The following ZNF257 variants were observed in gnomAD, a reference collection of about 807,000 sequenced individuals.
The protein encoded by ZNF257 is zinc finger protein 257.
In ZNF257, 12 loss-of-function variants were observed where a neutral mutation model predicts 11.9. That is an observed-to-expected ratio of 1.01 (90% CI 0.65 to 1.63). The LOEUF (loss-of-function observed/expected upper bound fraction) is 1.63, where lower values mean the gene tolerates loss of function less well. Ranked by LOEUF, ZNF257 falls within the 40% of genes most tolerant of loss-of-function variation. The pLI is 0.00. For synonymous variants in ZNF257, 183 were observed against 222.7 expected, an observed-to-expected ratio of 0.82 and a Z score of 1.59; for missense variants, 580 against 665.5, an observed-to-expected ratio of 0.87 and a Z score of 1.41.
In ZNF257 at chr19:22,073,492, C is replaced by T; in HGVS notation, c.154C>T (p.Leu52=). 6.2e-7 allele frequency: 1 copy of T among 1,611,538 alleles called. No individual in the cohort carries two copies. ...FLGIAVSKPD[L]ITCLEQGKEP... ...AGGTATTGCTGTCTCTAAGCCAGAC[C>T]TGATCACCTGTCTGGAGCAAGGAAA... The change falls in exon 3 of 4, where the codon CTG becomes TTG. Residue 52 remains leucine, a synonymous_variant. Coordinates refer to ENST00000594947, the MANE Select transcript of ZNF257 (RefSeq NM_033468.4).
intron 1 of ZNF257, among the ~76,000 whole-genome samples, chr19:22,058,222 A>G (rs926195270): frequency 6.6e-6 from 1 of 152,170 alleles, no homozygotes; most frequent in African/African-American, 2.4e-5. Flanking sequence ...GAATTTTATT[A>G]ATCACAACTA....
chr19:22,088,272 A>ATT lies in ZNF257; in HGVS notation c.523_524insTT (p.Cys175PhefsTer15), dbSNP rs1431277471. 5.0e-6 allele frequency: 8 copies of ATT among 1,613,542 alleles called. No individual in the cohort carries two copies. The African/African-American group carries it at 9.3e-5, about 19-fold the overall frequency. The stretch of plus-strand genomic sequence containing the variant: ...GACATACTGAAAAGAAAACTTGCAA[A>ATT]TGTAAAGAATGTGGCAAATCATTTT... On this transcript the variant is annotated frameshift_variant, in exon 4 of 4. Transcript: ENST00000594947. LOFTEE classifies it low-confidence loss of function (END_TRUNC).
At chr19:22,077,009 T>A (rs1199601049) in intron 3 of ZNF257, among the ~76,000 whole-genome samples, 1 of 152,106 alleles carries the variant, frequency 6.6e-6, no homozygotes, top group Non-Finnish European at 1.5e-5. Flanking sequence ...ATCTTTAATC[T>A]GTTTAAGTGT....
At chr19:22,081,194 T>C (rs12609368) in intron 3 of ZNF257, among the ~76,000 whole-genome samples, 34,689 of 151,836 alleles carry the variant, frequency 0.23, 4,698 homozygotes, top group South Asian at 0.44. Context: ...GATATCTATA[T>C]GTATACATAT....
intron 1 of ZNF257, among the ~76,000 whole-genome samples, chr19:22,056,290 C>T (rs947258761): frequency 4.0e-5 from 6 of 151,838 alleles, no homozygotes; most frequent in Admixed American, 1.3e-4. Flanking sequence ...CGTGAAAGCC[C>T]GCCACTATGC....
Position 22,088,433 on chromosome 19 carries a change from C to A in ZNF257, c.683C>A (p.Pro228His). ...AAGATGACTCATACTGGAGAGAAAC[C>A]CTACAAATGTGAAGAGTGTGGAAAA... ...RHKMTHTGEK[P>H]YKCEECGKAF... Residue 228 changes from proline (P) to histidine (H), a missense_variant, in exon 4 of 4, where the codon CCC becomes CAC. By Grantham distance (77) the Pro-to-His change is moderately conservative. Coordinates refer to ENST00000594947, the MANE Select transcript of ZNF257 (RefSeq NM_033468.4). 1.2e-6 allele frequency: 2 copies of A among 1,613,596 alleles called. No homozygotes were observed. The highest frequency in any genetic ancestry group is 1.7e-6 in the Non-Finnish European group (2 of 1,179,816).
At chr19:22,066,724 T>G (rs1432969593) in intron 1 of ZNF257, among the ~76,000 whole-genome samples, 1 of 152,208 alleles carries the variant, frequency 6.6e-6, no homozygotes. Flanking sequence ...ATTTTGGCAT[T>G]GAATATAACC....
intron 3 of ZNF257, among the ~76,000 whole-genome samples, chr19:22,087,286 TAGTCTAAAACCAGTTGTC>T (rs1421650021): frequency 1.3e-5 from 2 of 152,052 alleles, no homozygotes; most frequent in Admixed American, 6.6e-5. Context: ...TATCCCGGCA[TAGTCTAAAACCAGTTGTC>T]ATGGCTAGAC....
At chr19:22,054,435 T>A (rs1168138143) in intron 1 of ZNF257, among the ~76,000 whole-genome samples, 1 of 152,194 alleles carries the variant, frequency 6.6e-6, no homozygotes, top group Non-Finnish European at 1.5e-5. Flanking sequence ...CCCTTCATCA[T>A]TTCTTCAGCC....
chr19:22,059,251 C>A (rs2021727472), intron 1 of ZNF257, among the ~76,000 whole-genome samples: 1 of 152,086 alleles, frequency 6.6e-6, no homozygotes, highest in Non-Finnish European at 1.5e-5. Context: ...CACTGAGATA[C>A]TAAACTTTGC....
Position 22,088,349 on chromosome 19 carries a change from C to G in ZNF257, c.599C>G (p.Ser200Cys), listed in dbSNP as rs760874941. 3 of 1,613,632 alleles carry G rather than the reference C, an allele frequency of 1.9e-6. No homozygotes were observed. The highest frequency in any genetic ancestry group is 1.7e-4 in the Middle Eastern group (1 of 6,058). Reference protein sequence around the residue: ...RHKRIHIRENSHKCEECGKAF... With the variant: ...RHKRIHIRENCHKCEECGKAF... ...AAGAGAATTCATATTAGAGAGAATT[C>G]CCACAAATGTGAAGAATGTGGCAAA... Residue 200 changes from serine to cysteine, a missense_variant, in exon 4 of 4, where the codon TCC (serine) becomes TGC (cysteine). Coordinates refer to ENST00000594947, the MANE Select transcript of ZNF257 (RefSeq NM_033468.4).
intron 1 of ZNF257, among the ~76,000 whole-genome samples, chr19:22,068,550 G>C (rs532351277): frequency 1.3e-5 from 2 of 152,212 alleles, no homozygotes; most frequent in South Asian, 4.1e-4. Context: ...TGTCAACATA[G>C]ACATCTTAAA....
chr19:22,059,451 C>A (rs2021733057), intron 1 of ZNF257, among the ~76,000 whole-genome samples: 1 of 151,878 alleles, frequency 6.6e-6, no homozygotes, highest in South Asian at 2.1e-4. Context: ...ACCACACCAG[C>A]TAATTTTTGT....
At chr19:22,054,421 C>T (rs1436429465) in intron 1 of ZNF257, among the ~76,000 whole-genome samples, 2 of 152,080 alleles carry the variant, frequency 1.3e-5, no homozygotes, top group African/African-American at 4.8e-5. Flanking sequence ...TTTTACCCTC[C>T]TCCCCCTTCA....
At chr19:22,064,177 C>G (rs2021881234) in intron 1 of ZNF257, 1 of 152,090 alleles carries the variant, frequency 6.6e-6, no homozygotes, top group African/African-American at 2.4e-5. Flanking sequence ...AAGAACACGT[C>G]CAGAAAACCT....
chr19:22,091,404 G>C lies in ZNF257; in HGVS notation c.*1962G>C, dbSNP rs922402029. On this transcript the variant is annotated 3_prime_UTR_variant, in exon 4 of 4. Transcript: ENST00000594947. ...GTACCCAGGAGGCAGAGGTTGCAGT[G>C]AGCCAAGATCACGACATTGCACTCC... 1.4e-5 allele frequency: 2 copies of C among 141,470 alleles called. No homozygotes were observed. The highest frequency in any genetic ancestry group is 5.3e-5 in the African/African-American group (2 of 37,794). The allele number at this position is 141,470 out of a possible 1,614,324, so 8.8% of individuals were successfully genotyped here.
chr19:22,065,747 G>A (rs541054446), intron 1 of ZNF257: 39 of 152,224 alleles, frequency 2.6e-4, no homozygotes, highest in African/African-American at 6.7e-4. Context: ...TCCAAAAACC[G>A]TAATAGCTCT....
At chr19:22,063,814 A>C (rs751332326) in intron 1 of ZNF257, among the ~76,000 whole-genome samples, 20 of 152,210 alleles carry the variant, frequency 1.3e-4, no homozygotes, top group Admixed American at 1.3e-4. Context: ...CATGGTGATT[A>C]GAATAATGTA....
At chr19:22,078,493 T>C (rs1201463160) in intron 3 of ZNF257, among the ~76,000 whole-genome samples, 1 of 152,080 alleles carries the variant, frequency 6.6e-6, no homozygotes, top group East Asian at 1.9e-4. Context: ...TCATGTGATT[T>C]GCAAATATTT....
Sources: allele counts gnomAD v4.1 joint callset (sites outside exome capture counted in the v4.1 genomes callset), GRCh38; gene constraint gnomAD v4.1.1; transcripts MANE v1.5; gene names NCBI Gene and HGNC (gene_info 2026-07-23, HGNC 2026-07-21).